Variants in ZNF462 observed in about 807,000 individuals in gnomAD.
ZNF462 encodes zinc finger PBX1-interacting protein.
In ZNF462, 10 loss-of-function variants were observed where a neutral mutation model predicts 201.9. The ratio of observed to expected loss-of-function variants is 0.05; its 90% CI spans 0.03 to 0.08. The LOEUF is 0.08. ZNF462 is among the 10% of genes least tolerant of loss of function. The probability of loss-of-function intolerance (pLI) is 1.00; values close to 1 mark genes in which losing one functional copy is unlikely to be tolerated. For missense variants in ZNF462, 2,523 were observed against 3,168.3 expected (o/e 0.80, Z 4.89); for synonymous variants, 1,227 against 1,193.3 (o/e 1.03, Z -0.58).
intron 6 of ZNF462, among the ~76,000 whole-genome samples, chr9:106,936,624 A>G (rs1174567181): frequency 6.6e-6 from 1 of 152,196 alleles, no homozygotes; most frequent in Non-Finnish European, 1.5e-5. Flanking sequence ...TCTCTGGGAA[A>G]TTTCTACTAA....
intron 10 of ZNF462, among the ~76,000 whole-genome samples, chr9:106,986,788 C>T (rs1399106018): frequency 6.6e-6 from 1 of 152,074 alleles, no homozygotes; most frequent in East Asian, 1.9e-4. Flanking sequence ...CTCCCAAGTC[C>T]CCAAAGTCCA....
chr9:106,991,839 TACAC>T (rs200978759), intron 10 of ZNF462, among the ~76,000 whole-genome samples: 12,526 of 136,150 alleles, frequency 0.092, 598 homozygotes, highest in Non-Finnish European at 0.12. Flanking sequence ...CAGCACTCTC[TACAC>T]ACACACACAC....
rs1453204726 is a variant in ZNF462 at position 106,930,301 on chromosome 9, T to C, written c.5848-224T>C. On this transcript the variant is annotated intron_variant, in intron 3 of 12. Coordinates refer to ENST00000277225, the MANE Select transcript of ZNF462 (RefSeq NM_021224.6). This position sits in a 1 kb window ranked among gnomAD's most constrained non-coding sequence, Gnocchi z 5.8. ...GATGAGCTTCTGCACAGAAATCTTCTCTACTCACAAGCCGTAATGTATTTG... is the reference window on the plus strand; with the variant it reads ...GATGAGCTTCTGCACAGAAATCTTCCCTACTCACAAGCCGTAATGTATTTG... Among the ~76,000 whole-genome samples, 1 of 152,184 alleles carries C rather than the reference T, an allele frequency of 6.6e-6. No homozygotes were observed. Among genetic ancestry groups the C allele is most frequent in the Non-Finnish European group, 1.5e-5 (1 of 68,032 alleles).
chr9:106,982,112 C>G (rs999517275), intron 9 of ZNF462, among the ~76,000 whole-genome samples: 2 of 152,214 alleles, frequency 1.3e-5, no homozygotes, highest in African/African-American at 4.8e-5. Context: ...CCTGCATGCC[C>G]CATCTCTTGC....
intron 1 of ZNF462, among the ~76,000 whole-genome samples, chr9:106,894,654 T>C (rs980867734): frequency 2.6e-5 from 4 of 152,212 alleles, no homozygotes; most frequent in African/African-American, 4.8e-5. Flanking sequence ...TTTCTAGGTC[T>C]GTGCTGTCCA....
rs991979223 is a variant in ZNF462, at chr9:106,968,609, G to A, written c.6428-3396G>A. Among the ~76,000 whole-genome samples, 13 of 152,058 alleles carry A rather than the reference G, an allele frequency of 8.5e-5. No homozygotes were observed. The highest frequency in any genetic ancestry group is 7.4e-5 in the Non-Finnish European group (5 of 68,014). The stretch of plus-strand genomic sequence containing the variant: ...TAAGCCATGACCTGCTTTTAAAGGT[G>A]GACCACCTTAGTCTTTGCTGTTGGT... On this transcript the variant is annotated intron_variant, in intron 7 of 12. Coordinates refer to ENST00000277225, the MANE Select transcript of ZNF462 (RefSeq NM_021224.6). This position sits in a 1 kb window ranked among gnomAD's most constrained non-coding sequence, Gnocchi z 4.0.
In ZNF462 at chr9:107,003,442, C is replaced by T. The variant is rs372151068; in HGVS notation, c.7189+16C>T. 13 of 1,611,664 alleles carry T rather than the reference C, an allele frequency of 8.1e-6. No homozygotes were observed. The African/African-American group carries it at 1.2e-4, about 15-fold the overall frequency. ...GAAGACAGAGGTTAGTCTCATCCTGCCCTCCCAATCCCAGATGGCATCTGG... is the reference window on the plus strand; with the variant it reads ...GAAGACAGAGGTTAGTCTCATCCTGTCCTCCCAATCCCAGATGGCATCTGG... On this transcript the variant is annotated intron_variant, in intron 11 of 12. Transcript: ENST00000277225. The surrounding 1 kb of genome is among the most constrained non-coding windows in gnomAD (Gnocchi z 4.4).
intron 1 of ZNF462, among the ~76,000 whole-genome samples, chr9:106,877,237 A>C (rs973252737): frequency 6.7e-6 from 1 of 150,084 alleles, no homozygotes; most frequent in African/African-American, 2.5e-5. Flanking sequence ...AGAACATGTA[A>C]GTGGTTCTTT....
intron 7 of ZNF462, among the ~76,000 whole-genome samples, chr9:106,955,499 G>A (rs996124790): frequency 6.6e-6 from 1 of 152,132 alleles, no homozygotes; most frequent in Non-Finnish European, 1.5e-5. Context: ...ACTGATCAGG[G>A]TGGTGGTTGC....
At chr9:106,942,614 T>A (rs1254635939) in intron 7 of ZNF462, among the ~76,000 whole-genome samples, 1 of 152,230 alleles carries the variant, frequency 6.6e-6, no homozygotes, top group African/African-American at 2.4e-5. Flanking sequence ...GCTGTGTTTG[T>A]GTTTACTGTG....
At position 106,928,478 on chromosome 9, in the gene ZNF462, C is replaced by T. The variant is rs1830291897; in HGVS notation, c.4566C>T (p.Tyr1522=). Residue 1522 remains tyrosine (Y), a synonymous_variant, in exon 3 of 13, where the codon TAC becomes TAT. Transcript: ENST00000277225. The surrounding 1 kb of genome is among the most constrained non-coding windows in gnomAD (Gnocchi z 9.3). The stretch of plus-strand genomic sequence containing the variant: ...TCTACAAATGCAGGCATTGCCCATA[C>T]ATCAACACCCGCATCCACGGCGTAC... ...GAVYKCRHCP[Y]INTRIHGVLT... is the part of the protein sequence containing the mutation. 1.6e-5 allele frequency: 26 copies of T among 1,614,132 alleles called. No individual in the cohort carries two copies. Among genetic ancestry groups the T allele is most frequent in the Middle Eastern group, 1.6e-4 (1 of 6,062 alleles).
intron 1 of ZNF462, among the ~76,000 whole-genome samples, chr9:106,888,590 T>C (rs1828433778): frequency 6.6e-6 from 1 of 152,188 alleles, no homozygotes; most frequent in African/African-American, 2.4e-5. Flanking sequence ...TAACTGGGGC[T>C]CTTTTTTGGC....
chr9:106,958,552 C>T lies in ZNF462; in HGVS notation c.6428-13453C>T, dbSNP rs1195405948. Among the ~76,000 whole-genome samples, 4 of 152,086 alleles carry T rather than the reference C, an allele frequency of 2.6e-5. No homozygotes were observed. In the South Asian group the frequency reaches 6.2e-4, roughly 24 times the overall value. ...TTGTAGATCTATAGTGGGAAGAAAG[C>T]ACCTCTCAGCACAGAGCCTAAGATT... On this transcript the variant is annotated intron_variant, in intron 7 of 12. Transcript: ENST00000277225.
intron 6 of ZNF462, among the ~76,000 whole-genome samples, chr9:106,936,822 C>A (rs544713618): frequency 3.3e-4 from 51 of 152,288 alleles, no homozygotes; most frequent in Non-Finnish European, 4.3e-4. Context: ...AAGAGAGCAT[C>A]AGAGCCTGCA....
chr9:106,891,750 A>G (rs1828587875), intron 1 of ZNF462, among the ~76,000 whole-genome samples: 1 of 152,178 alleles, frequency 6.6e-6, no homozygotes, highest in Non-Finnish European at 1.5e-5. Flanking sequence ...GAAGTAGCTT[A>G]GAGTATGTTT....
At chr9:106,899,193 G>T (rs749701952) in intron 1 of ZNF462, among the ~76,000 whole-genome samples, 2 of 134,914 alleles carry the variant, frequency 1.5e-5, no homozygotes, top group Admixed American at 7.8e-5. Flanking sequence ...AGAGGGACAT[G>T]GAGAGAGAGA....
chr9:106,921,157 C>G (rs979208099), intron 1 of ZNF462, among the ~76,000 whole-genome samples: 1 of 152,054 alleles, frequency 6.6e-6, no homozygotes, highest in Non-Finnish European at 1.5e-5. Context: ...TCCAAGAAGC[C>G]AAGGCATTCT....
chr9:106,980,985 G>C (rs1343542210), intron 9 of ZNF462, among the ~76,000 whole-genome samples: 2 of 152,146 alleles, frequency 1.3e-5, no homozygotes, highest in African/African-American at 4.8e-5. Context: ...CCTCAAGAAT[G>C]AATGACCTCA....
At chr9:106,877,833 G>A (rs1033745716) in intron 1 of ZNF462, among the ~76,000 whole-genome samples, 5 of 152,136 alleles carry the variant, frequency 3.3e-5, no homozygotes, top group Non-Finnish European at 7.4e-5. Flanking sequence ...GGTCTTCAAA[G>A]GGTAGAACTC....
Sources: gnomAD v4.1 joint callset for allele counts (sites outside exome capture counted in the v4.1 genomes callset) on GRCh38, gnomAD v4.1.1 for gene constraint, Gnocchi (gnomAD v3.1) non-coding constraint, MANE v1.5 for transcripts, NCBI Gene and HGNC (gene_info 2026-07-23, HGNC 2026-07-21) for gene names.